ENOX2: variants seen among roughly 807,000 people sequenced by gnomAD.
ENOX2 encodes ecto-NOX disulfide-thiol exchanger 2, also known as APK1 antigen.
Under a neutral mutation model 45.0 loss-of-function variants are expected in ENOX2, and 36 were observed. That is an observed-to-expected ratio of 0.80 (90% CI 0.61 to 1.06). The LOEUF (loss-of-function observed/expected upper bound fraction) is 1.06. Ranked by LOEUF, ENOX2 falls within the 50% of genes least tolerant of loss-of-function variation. The pLI is 0.00. For missense variants in ENOX2, 423 were observed against 462.5 expected (o/e 0.91, Z 0.78); for synonymous variants, 174 against 152.3 (o/e 1.14, Z -1.05).
chrX:130,894,177 C>T (rs1174340513), intron 2 of ENOX2, among the ~76,000 whole-genome samples: 1 of 111,056 alleles, frequency 9.0e-6, no homozygotes, highest in Admixed American at 9.6e-5. Flanking sequence ...TAGGGTAAAA[C>T]CTCTCAAAGA....
At chrX:130,854,950 T>C (rs2078281733) in intron 2 of ENOX2, among the ~76,000 whole-genome samples, 2 of 111,868 alleles carry the variant, frequency 1.8e-5, no homozygotes, top group Non-Finnish European at 3.8e-5. Context: ...AAAAAATCTA[T>C]AGCTAACATC....
At chrX:130,859,504 C>T (rs1198371740) in intron 2 of ENOX2, among the ~76,000 whole-genome samples, 1 of 112,192 alleles carries the variant, frequency 8.9e-6, no homozygotes, top group African/African-American at 3.2e-5. Context: ...GAGATAGTAC[C>T]TGAATTGAGT....
intron 3 of ENOX2, among the ~76,000 whole-genome samples, chrX:130,706,930 C>T (rs1443319229): frequency 8.9e-6 from 1 of 112,333 alleles, no homozygotes; most frequent in Non-Finnish European, 1.9e-5. Flanking sequence ...TACATAAAAG[C>T]TTGCAAAATT....
chrX:130,739,342 TAA>T (rs1414304519), intron 3 of ENOX2, among the ~76,000 whole-genome samples: 1 of 112,192 alleles, frequency 8.9e-6, no homozygotes, highest in Non-Finnish European at 1.9e-5. Flanking sequence ...TGGACTAATA[TAA>T]GAGTTCTGAG....
chrX:130,744,714 A>G, intron 3 of ENOX2, among the ~76,000 whole-genome samples: 2 of 111,950 alleles, frequency 1.8e-5, no homozygotes, highest in South Asian at 3.8e-4. Context: ...GAGTATAAAC[A>G]TAAGAATTTA....
intron 3 of ENOX2, among the ~76,000 whole-genome samples, chrX:130,740,332 C>T (rs1228941620): frequency 2.7e-5 from 3 of 109,520 alleles, no homozygotes; most frequent in South Asian, 4.0e-4. Context: ...ACCTGGGAGG[C>T]GGAGGTTGCT....
At chrX:130,811,806 A>G (rs1303168822) in intron 2 of ENOX2, among the ~76,000 whole-genome samples, 1 of 112,625 alleles carries the variant, frequency 8.9e-6, no homozygotes, top group African/African-American at 3.2e-5. Flanking sequence ...GAAACAATTC[A>G]TTGAAATAAA....
chrX:130,869,861 T>G (rs1239734425), intron 2 of ENOX2, among the ~76,000 whole-genome samples: 2 of 111,223 alleles, frequency 1.8e-5, no homozygotes, highest in Non-Finnish European at 3.8e-5. Context: ...AAGTACATAT[T>G]AAAACTTAAC....
intron 3 of ENOX2, among the ~76,000 whole-genome samples, chrX:130,736,064 T>TA (rs2038852483): frequency 8.9e-6 from 1 of 111,753 alleles, no homozygotes; most frequent in Non-Finnish European, 1.9e-5. Context: ...ATTATTTTGC[T>TA]AAAAAATACT....
At chrX:130,792,969 G>A (rs2077065703) in intron 2 of ENOX2, among the ~76,000 whole-genome samples, 1 of 112,210 alleles carries the variant, frequency 8.9e-6, no homozygotes, top group African/African-American at 3.2e-5. Context: ...CTGCTGGACA[G>A]TGCTGCTCTA....
intron 2 of ENOX2, among the ~76,000 whole-genome samples, chrX:130,827,446 T>C (rs2077739008): frequency 9.0e-6 from 1 of 111,331 alleles, no homozygotes; most frequent in Non-Finnish European, 1.9e-5. Flanking sequence ...ACCCTCTACA[T>C]CTAAGGTTCT....
At chrX:130,898,052 G>C (rs1256996228) in intron 2 of ENOX2, among the ~76,000 whole-genome samples, 4 of 109,565 alleles carry the variant, frequency 3.7e-5, no homozygotes, top group African/African-American at 1.3e-4. Flanking sequence ...CTGTCTCCCA[G>C]GCTGGAGTGT....
At chrX:130,647,525 C>A (rs1415141766) in intron 10 of ENOX2, among the ~76,000 whole-genome samples, 1 of 111,391 alleles carries the variant, frequency 9.0e-6, no homozygotes, top group Admixed American at 9.5e-5. Flanking sequence ...TAAAGCACTC[C>A]CCATTTTTCT....
At chrX:130,652,829 A>G (rs1204833845) in intron 10 of ENOX2, among the ~76,000 whole-genome samples, 1 of 112,356 alleles carries the variant, frequency 8.9e-6, no homozygotes, top group Non-Finnish European at 1.9e-5. Flanking sequence ...CATCTACCAG[A>G]CAAGGAACAT....
intron 2 of ENOX2, among the ~76,000 whole-genome samples, chrX:130,859,263 C>T (rs770977756): frequency 1.8e-5 from 2 of 111,744 alleles, no homozygotes; most frequent in Admixed American, 9.5e-5. Flanking sequence ...ACCCGGGAGG[C>T]GGAGGTTGCA....
chrX:130,756,088 T>C (rs1359486035), intron 3 of ENOX2, among the ~76,000 whole-genome samples: 1 of 112,246 alleles, frequency 8.9e-6, no homozygotes, highest in Admixed American at 9.4e-5. Flanking sequence ...AAAGCTAACC[T>C]GACATCTGCA....
chrX:130,758,924 C>T (rs1264124277), intron 3 of ENOX2, among the ~76,000 whole-genome samples: 1 of 110,148 alleles, frequency 9.1e-6, no homozygotes, highest in African/African-American at 3.3e-5. Context: ...ATTTTTTTTA[C>T]CGTTGAATTT....
chrX:130,633,966 G>A (rs2035858752), intron 12 of ENOX2, among the ~76,000 whole-genome samples: 1 of 112,325 alleles, frequency 8.9e-6, no homozygotes. Context: ...TTGGTTTTAT[G>A]AAGTGGAAGA....
chrX:130,734,759 T>C (rs1050923547), intron 3 of ENOX2, among the ~76,000 whole-genome samples: 1 of 112,300 alleles, frequency 8.9e-6, no homozygotes, highest in Admixed American at 9.4e-5. Context: ...GAGAATGCAT[T>C]CATACCACTG....
Sources: allele counts gnomAD v4.1 joint callset (sites outside exome capture counted in the v4.1 genomes callset), GRCh38; gene constraint gnomAD v4.1.1; transcripts MANE v1.5; gene names NCBI Gene and HGNC (gene_info 2026-07-23, HGNC 2026-07-21).